The following NFASC variants were observed in gnomAD, a reference collection of about 807,000 sequenced individuals.
The protein encoded by NFASC is neurofascin, also known as neurofascin homolog.
NFASC carries 43 observed loss-of-function variants against 147.5 expected under a neutral mutation model. That is an observed-to-expected ratio of 0.29 (90% CI 0.23 to 0.38). The LOEUF (loss-of-function observed/expected upper bound fraction) is 0.38, where lower values mean the gene tolerates loss of function less well. Among genes scored for constraint, NFASC ranks in the 10% least tolerant of loss-of-function variants. NFASC has a pLI of 1.00. For synonymous variants in NFASC, 622 were observed against 665.5 expected, an observed-to-expected ratio of 0.93 and a Z score of 1.01; for missense variants, 1,320 against 1,689.0, an observed-to-expected ratio of 0.78 and a Z score of 3.83.
chr1:204,951,626 G>A (rs140996274), intron 4 of NFASC, among the ~76,000 whole-genome samples: 2,912 of 151,688 alleles, frequency 0.019, 110 homozygotes, highest in African/African-American at 0.067. Flanking sequence ...CCTCCACCAC[G>A]CCCGGCTAAT....
At chr1:204,875,674 C>T (rs1352455940) in intron 1 of NFASC, among the ~76,000 whole-genome samples, 2 of 152,122 alleles carry the variant, frequency 1.3e-5, no homozygotes, top group Non-Finnish European at 2.9e-5. Flanking sequence ...CCTTTCCCCC[C>T]ACCACGCCCC....
intron 1 of NFASC, among the ~76,000 whole-genome samples, chr1:204,847,173 A>G (rs1046977902): frequency 6.6e-6 from 1 of 151,932 alleles, no homozygotes; most frequent in Non-Finnish European, 1.5e-5. Context: ...GCCTGTGACT[A>G]CCCCATCCTG....
At chr1:205,003,660 C>T (rs773866007) in intron 27 of NFASC, among the ~76,000 whole-genome samples, 25 of 152,164 alleles carry the variant, frequency 1.6e-4, no homozygotes, top group Admixed American at 3.9e-4. Context: ...ATATCCTAAT[C>T]AGATGCAGGT....
chr1:204,837,696 A>AT (rs1008558274), intron 1 of NFASC, among the ~76,000 whole-genome samples: 6 of 152,044 alleles, frequency 3.9e-5, no homozygotes, highest in African/African-American at 1.4e-4. Flanking sequence ...GACCTGAGAT[A>AT]TTTTTCTCTT....
At chr1:205,001,895 T>C (rs1441837567) in intron 26 of NFASC, among the ~76,000 whole-genome samples, 1 of 152,196 alleles carries the variant, frequency 6.6e-6, no homozygotes, top group Non-Finnish European at 1.5e-5. Context: ...ATCTTCAGTA[T>C]GTGCTCTAAG....
intron 11 of NFASC, among the ~76,000 whole-genome samples, chr1:204,971,438 G>A (rs2095253185): frequency 6.6e-6 from 1 of 152,282 alleles, no homozygotes; most frequent in South Asian, 2.1e-4. Context: ...TAAGAGGTCA[G>A]AGGAAATGTA....
At chr1:204,878,579 GT>G (rs1388389159) in intron 1 of NFASC, among the ~76,000 whole-genome samples, 1 of 152,210 alleles carries the variant, frequency 6.6e-6, no homozygotes, top group Admixed American at 6.5e-5. Flanking sequence ...TTAAAGTTTT[GT>G]TGTGTTTTTC....
At chr1:204,908,727 G>A (rs2086622626) in intron 1 of NFASC, among the ~76,000 whole-genome samples, 1 of 151,806 alleles carries the variant, frequency 6.6e-6, no homozygotes, top group African/African-American at 2.4e-5. Flanking sequence ...CTTAACCCCT[G>A]GCACCCATTA....
intron 3 of NFASC, among the ~76,000 whole-genome samples, chr1:204,947,992 AC>A (rs1471726851): frequency 6.6e-6 from 1 of 152,078 alleles, no homozygotes; most frequent in African/African-American, 2.4e-5. Flanking sequence ...GCCCTCACAT[AC>A]CCATATGTGC....
chr1:204,836,476 C>T (rs1673830395), intron 1 of NFASC, among the ~76,000 whole-genome samples: 1 of 152,172 alleles, frequency 6.6e-6, no homozygotes, highest in Non-Finnish European at 1.5e-5. Context: ...CTCGTGAGAC[C>T]AGCCAGAGTT....
intron 25 of NFASC, 48 bp downstream of exon 25, chr1:204,997,454 C>G (rs149017733): frequency 0.012 from 18,243 of 1,549,648 alleles, 156 homozygotes; most frequent in Non-Finnish European, 0.014. Context: ...CCCGCCTCCC[C>G]AGCGGCCTCC....
intron 1 of NFASC, among the ~76,000 whole-genome samples, chr1:204,836,666 T>C (rs1038342111): frequency 6.6e-6 from 1 of 152,280 alleles, no homozygotes; most frequent in African/African-American, 2.4e-5. Flanking sequence ...TATTGTGTGG[T>C]ATTTTTCCAC....
intron 1 of NFASC, among the ~76,000 whole-genome samples, chr1:204,844,755 GA>G (rs1189988275): frequency 6.6e-6 from 1 of 152,162 alleles, no homozygotes; most frequent in African/African-American, 2.4e-5. Flanking sequence ...ATAAACTTGA[GA>G]GGGGCAGCTG....
rs573643752 is a variant in NFASC, at chr1:204,924,217, C to T, written c.-91+3477C>T. The stretch of plus-strand genomic sequence containing the variant: ...TGCCTCCTGTATTTTCACATCTCCT[C>T]CAGCCTGTAGAAGCCTGCCAGGATA... On this transcript the variant is annotated intron_variant, in intron 2 of 29. Transcript: ENST00000339876. Among the ~76,000 whole-genome samples the T allele has an allele frequency of 1.4e-4, 21 of 152,314 alleles. No individual in the cohort carries two copies. In the South Asian group the frequency reaches 3.3e-3, roughly 24 times the overall value.
chr1:204,885,584 C>A (rs1183484757), intron 1 of NFASC, among the ~76,000 whole-genome samples: 1 of 152,180 alleles, frequency 6.6e-6, no homozygotes, highest in Non-Finnish European at 1.5e-5. Flanking sequence ...TCAAAAGAGT[C>A]TTTTGTTTTA....
chr1:204,895,513 T>G (rs896507111), intron 1 of NFASC, among the ~76,000 whole-genome samples: 7 of 152,228 alleles, frequency 4.6e-5, no homozygotes, highest in Admixed American at 2.0e-4. Context: ...CTCACAGCTT[T>G]TACTCATTCA....
rs139205012 is a variant in NFASC at position 204,981,868 on chromosome 1, G to T, written c.2318G>T (p.Arg773Leu). ...GTCAAGTGGAGGCGGAGAGAGACTC[G>T]AGAGGCCTGGAACAACGTCACAGTG... Reference protein sequence around the residue: ...YIVKWRRRETREAWNNVTVWG... With the variant: ...YIVKWRRRETLEAWNNVTVWG... The change falls in exon 21 of 30, where the codon CGA becomes CTA. Residue 773 changes from arginine (R) to leucine (L), a missense_variant. Coordinates refer to ENST00000339876, the MANE Select transcript of NFASC (RefSeq NM_001005388.3). 1 of 1,605,416 alleles carries T rather than the reference G, an allele frequency of 6.2e-7. No individual in the cohort carries two copies. Among genetic ancestry groups the T allele is most frequent in the South Asian group, 1.1e-5 (1 of 89,476 alleles).
Position 204,991,380 on chromosome 1 carries a change from A to G in NFASC, c.2782+74A>G, listed in dbSNP as rs945183629. On this transcript the variant is annotated intron_variant, in intron 24 of 29. Coordinates refer to ENST00000339876, the MANE Select transcript of NFASC (RefSeq NM_001005388.3). The stretch of plus-strand genomic sequence containing the variant: ...GCGGAGCCCAGCCCAGCCAGGGCGG[A>G]CAAGGAGGGAGAGGCTCAGGCTGAA... 17 of 1,496,478 alleles carry G rather than the reference A, an allele frequency of 1.1e-5. No homozygotes were observed. The African/African-American group carries it at 2.2e-4, about 19-fold the overall frequency. 92.7% of individuals were successfully genotyped at this position (1,496,478 alleles called of 1,614,324 possible). A position where few individuals can be genotyped will look rare whatever the true frequency, so the allele number is the denominator to read the frequency against.
chr1:204,982,075 A>C, intron 21 of NFASC, 55 bp downstream of exon 21: 1 of 1,248,610 alleles, frequency 8.0e-7, no homozygotes, highest in Non-Finnish European at 1.1e-6. Flanking sequence ...AGGTCGCACG[A>C]GGCCACGCTC....
Sources: gnomAD v4.1 joint callset for allele counts (sites outside exome capture counted in the v4.1 genomes callset) on GRCh38, gnomAD v4.1.1 for gene constraint, MANE v1.5 for transcripts, NCBI Gene and HGNC (gene_info 2026-07-23, HGNC 2026-07-21) for gene names.